ADAMTS18: variants seen among roughly 807,000 people sequenced by gnomAD.
ADAMTS18 encodes the protein ADAM metallopeptidase with thrombospondin type 1 motif 18, also known as A disintegrin and metalloproteinase with thrombospondin motifs 18.
Under a neutral mutation model 165.9 loss-of-function variants are expected in ADAMTS18, and 157 were observed. That is an observed-to-expected ratio of 0.95 (90% CI 0.83 to 1.08). The LOEUF is 1.08. Among genes scored for constraint, ADAMTS18 ranks in the 50% least tolerant of loss-of-function variants. ADAMTS18 has a pLI of 0.00. For synonymous variants in ADAMTS18, 782 were observed against 578.2 expected, an observed-to-expected ratio of 1.35 and a Z score of -5.06; for missense variants, 2,040 against 1,534.0, an observed-to-expected ratio of 1.33 and a Z score of -5.51.
At chr16:77,317,397 A>G (rs2144631331) in intron 16 of ADAMTS18, among the ~76,000 whole-genome samples, 1 of 152,208 alleles carries the variant, frequency 6.6e-6, no homozygotes, top group East Asian at 1.9e-4. Context: ...GCAGTGATGC[A>G]ATCTCGGCTC....
intron 16 of ADAMTS18, among the ~76,000 whole-genome samples, chr16:77,316,306 G>C (rs113900006): frequency 0.045 from 6,850 of 151,572 alleles, 207 homozygotes; most frequent in African/African-American, 0.079. Flanking sequence ...CCAGGCTGGA[G>C]TGCAGTAGTG....
chr16:77,370,468 G>A (rs972787559), intron 3 of ADAMTS18, among the ~76,000 whole-genome samples: 7 of 152,258 alleles, frequency 4.6e-5, no homozygotes, highest in Non-Finnish European at 1.0e-4. Context: ...TCAAGAAGGT[G>A]GCCAAGTGCA....
intron 16 of ADAMTS18, among the ~76,000 whole-genome samples, chr16:77,314,485 G>A (rs997185933): frequency 1.3e-5 from 2 of 150,704 alleles, no homozygotes; most frequent in Non-Finnish European, 3.0e-5. Flanking sequence ...GGTAGTGCAC[G>A]CCTGTAATCC....
At chr16:77,360,731 TTAAAA>T (rs1235721957) in intron 7 of ADAMTS18, among the ~76,000 whole-genome samples, 1 of 152,212 alleles carries the variant, frequency 6.6e-6, no homozygotes, top group African/African-American at 2.4e-5. Context: ...TGGTTAATTG[TTAAAA>T]TAAACTTATT....
intron 21 of ADAMTS18, 119 bp downstream of exon 21, chr16:77,291,147 G>T: frequency 8.9e-7 from 1 of 1,123,436 alleles, no homozygotes; most frequent in Non-Finnish European, 1.3e-6. Flanking sequence ...TTCAGAACTT[G>T]AGCCCTTAGT....
intron 3 of ADAMTS18, among the ~76,000 whole-genome samples, chr16:77,400,625 G>T (rs2057318639): frequency 6.6e-6 from 1 of 151,920 alleles, no homozygotes; most frequent in Admixed American, 6.6e-5. Flanking sequence ...GGGACTACAG[G>T]CGCCCGTCAC....
intron 19 of ADAMTS18, 84 bp from the exon 20 acceptor site, chr16:77,293,342 T>C: frequency 8.4e-7 from 1 of 1,196,626 alleles, no homozygotes; most frequent in Non-Finnish European, 1.2e-6. Flanking sequence ...ACTAAATATA[T>C]TCCTGTGAAA....
intron 16 of ADAMTS18, among the ~76,000 whole-genome samples, chr16:77,307,899 A>G (rs2055709780): frequency 6.6e-6 from 1 of 152,108 alleles, no homozygotes; most frequent in Admixed American, 6.6e-5. Context: ...TGGTGCTCAC[A>G]CTGTCATCTC....
intron 3 of ADAMTS18, among the ~76,000 whole-genome samples, chr16:77,372,079 C>T (rs570463015): frequency 1.5e-4 from 23 of 152,172 alleles, no homozygotes; most frequent in African/African-American, 5.3e-4. Context: ...TGAGATATTA[C>T]CTCACCCCAA....
At chr16:77,365,708 C>A (rs1054061952) in intron 4 of ADAMTS18, among the ~76,000 whole-genome samples, 9 of 152,174 alleles carry the variant, frequency 5.9e-5, no homozygotes, top group African/African-American at 2.2e-4. Flanking sequence ...ACCTGGAAAG[C>A]TCAGGGAAGT....
intron 8 of ADAMTS18, among the ~76,000 whole-genome samples, chr16:77,357,497 A>T (rs1009871240): frequency 2.0e-5 from 3 of 152,202 alleles, no homozygotes; most frequent in Non-Finnish European, 4.4e-5. Context: ...CCCTTTCTAA[A>T]TATATTTGTG....
chr16:77,368,407 A>C (rs1284133595), intron 3 of ADAMTS18, among the ~76,000 whole-genome samples: 1 of 151,212 alleles, frequency 6.6e-6, no homozygotes, highest in Non-Finnish European at 1.5e-5. Context: ...ACTCATTCTC[A>C]AGTGGTTCAC....
At chr16:77,291,209 G>T in intron 21 of ADAMTS18, 57 bp downstream of exon 21, 1 of 1,571,614 alleles carries the variant, frequency 6.4e-7, no homozygotes, top group Non-Finnish European at 8.7e-7. Context: ...TTTGCAGAAC[G>T]CCTCATTTTT....
chr16:77,361,900 CA>C (rs1414603208), intron 7 of ADAMTS18, among the ~76,000 whole-genome samples: 1 of 130,818 alleles, frequency 7.6e-6, no homozygotes, highest in Non-Finnish European at 1.7e-5. Flanking sequence ...AAAAAAAATA[CA>C]AAATGAATAA....
At chr16:77,371,381 A>G (rs1452674202) in intron 3 of ADAMTS18, among the ~76,000 whole-genome samples, 1 of 152,196 alleles carries the variant, frequency 6.6e-6, no homozygotes, top group Non-Finnish European at 1.5e-5. Flanking sequence ...CAACTTTGAA[A>G]TATACTAGAA....
chr16:77,367,649 G>A lies in ADAMTS18; in HGVS notation c.570C>T (p.Asn190=), dbSNP rs373069226. 56 of 1,614,066 alleles carry A rather than the reference G, an allele frequency of 3.5e-5. No homozygotes were observed. The highest frequency in any genetic ancestry group is 4.7e-5 in the Non-Finnish European group (56 of 1,180,034). The change falls in exon 4 of 23, where the codon AAC becomes AAT. Residue 190 remains asparagine (N), a synonymous_variant. Transcript: ENST00000282849. ...GATGGTGACCCGCAGGGGAGCTGTA[G>A]TTGTGTTCCTGGGCCAGAAGCTGAG... is the stretch of plus-strand genomic sequence containing the variant. ...PLPQLLAQEH[N]YSSPAGHHPH...
intron 3 of ADAMTS18, among the ~76,000 whole-genome samples, chr16:77,389,632 C>T (rs2057158575): frequency 6.6e-6 from 1 of 152,190 alleles, no homozygotes; most frequent in South Asian, 2.1e-4. Flanking sequence ...TTTCTGCCTA[C>T]TTGGAAGACC....
chr16:77,408,630 AC>A (rs2057421960), intron 3 of ADAMTS18, among the ~76,000 whole-genome samples: 1 of 152,198 alleles, frequency 6.6e-6, no homozygotes, highest in East Asian at 1.9e-4. Flanking sequence ...TTGCATGTAT[AC>A]AAAGTTCAAA....
At chr16:77,354,069 G>A (rs1225121989) in intron 9 of ADAMTS18, among the ~76,000 whole-genome samples, 183 bp from the exon 10 acceptor site, 2 of 152,218 alleles carry the variant, frequency 1.3e-5, no homozygotes, top group Non-Finnish European at 2.9e-5. Flanking sequence ...AGGATGGAAT[G>A]TACACAGCCA....
Sources: allele counts gnomAD v4.1 joint callset (sites outside exome capture counted in the v4.1 genomes callset), GRCh38; gene constraint gnomAD v4.1.1; transcripts MANE v1.5; gene names NCBI Gene and HGNC (gene_info 2026-07-23, HGNC 2026-07-21).